Variants in FRYL observed in about 807,000 individuals in gnomAD.
FRYL encodes the protein protein furry homolog-like.
In FRYL, 150 loss-of-function variants were observed where a neutral mutation model predicts 351.2. The ratio of observed to expected loss-of-function variants is 0.43; its 90% CI spans 0.37 to 0.49. The LOEUF (loss-of-function observed/expected upper bound fraction) is 0.49. FRYL is among the 20% of genes least tolerant of loss of function. FRYL has a pLI of 0.00. For synonymous variants in FRYL, 1,153 were observed against 1,257.1 expected (o/e 0.92, Z 1.75); for missense variants, 3,036 against 3,619.3 (o/e 0.84, Z 4.13).
Position 48,573,207 on chromosome 4 carries a change from T to C in FRYL, c.2883A>G (p.Glu961=), listed in dbSNP as rs1196657076. Residue 961 remains glutamate, a synonymous_variant, in exon 26 of 64, where the codon GAA becomes GAG. Transcript: ENST00000358350. ...TCACCTCTGGCCTTCTTTCGAGTGC[T>C]TCTTTAATTATGGGATGTAATTCCT... ...LIEELHPIIK[E]ALERRPENMK... is the part of the protein sequence containing the mutation. The C allele has an allele frequency of 6.2e-7, 1 of 1,612,766 alleles. No homozygotes were observed. The highest frequency in any genetic ancestry group is 1.7e-5 in the Admixed American group (1 of 60,008).
intron 3 of FRYL, among the ~76,000 whole-genome samples, chr4:48,634,827 A>G (rs982971159): frequency 1.1e-4 from 17 of 152,184 alleles, no homozygotes; most frequent in Non-Finnish European, 2.9e-5. Context: ...TTGCTGAATG[A>G]ATGAATGGAT....
At chr4:48,571,977 CA>C (rs1738427022) in intron 26 of FRYL, 2 of 985,170 alleles carry the variant, frequency 2.0e-6, no homozygotes, top group Admixed American at 6.2e-5. Flanking sequence ...GCACTGTAAC[CA>C]AACTGATCAT....
chr4:48,777,448 T>C (rs1776138360), intron 1 of FRYL, among the ~76,000 whole-genome samples: 2 of 152,210 alleles, frequency 1.3e-5, no homozygotes, highest in South Asian at 2.1e-4. Flanking sequence ...AAGACATTTA[T>C]TGGGTACTAA....
chr4:48,772,557 G>A (rs1202918343), intron 1 of FRYL, among the ~76,000 whole-genome samples: 1 of 151,592 alleles, frequency 6.6e-6, no homozygotes, highest in African/African-American at 2.4e-5. Flanking sequence ...TATTATAGAT[G>A]GCATAACCCA....
At chr4:48,628,485 T>TA (rs375047794) in intron 4 of FRYL, among the ~76,000 whole-genome samples, 1,730 of 147,202 alleles carry the variant, frequency 0.012, 37 homozygotes, top group African/African-American at 0.041. Context: ...TTCATATAAG[T>TA]AAAAAAAATA....
rs145768546 is a variant in FRYL, at chr4:48,568,138, G to A, written c.2997-718C>T. Among the ~76,000 whole-genome samples the A allele has an allele frequency of 2.4e-3, 371 of 152,272 alleles. 1 individual carries two copies. Among genetic ancestry groups the A allele is most frequent in the African/African-American group, 8.5e-3 (353 of 41,566 alleles). On this transcript the variant is annotated intron_variant, in intron 27 of 63. Coordinates refer to ENST00000358350, the MANE Select transcript of FRYL (RefSeq NM_015030.2). The stretch of plus-strand genomic sequence containing the variant: ...AAATTTGCCGGGCATGGTGGTGCAC[G>A]CCTGTAGTCCCAGCTACTCGGGAGG...
At chr4:48,753,334 G>T (rs1773441004) in intron 1 of FRYL, among the ~76,000 whole-genome samples, 2 of 151,980 alleles carry the variant, frequency 1.3e-5, no homozygotes, top group Non-Finnish European at 2.9e-5. Context: ...ACTGAGAGAA[G>T]TTAGGGGGGA....
In FRYL at chr4:48,716,635, A is replaced by T. The variant is rs532355400; in HGVS notation, c.-383-5937T>A. On this transcript the variant is annotated intron_variant, in intron 1 of 63. Coordinates refer to ENST00000358350, the MANE Select transcript of FRYL (RefSeq NM_015030.2). ...AGTCAGGAAACAACAGGTGCTGGAG[A>T]GGATGTGGAGAAATCGGAACACTTT... 1.4e-3 allele frequency among the ~76,000 whole-genome samples: 217 copies of T among 151,692 alleles called. 6 individuals are homozygous for T. Among genetic ancestry groups the T allele is most frequent in the African/African-American group, 4.6e-3 (191 of 41,422 alleles).
intron 7 of FRYL, among the ~76,000 whole-genome samples, chr4:48,613,767 C>T (rs1484284600): frequency 1.3e-5 from 2 of 152,018 alleles, no homozygotes; most frequent in African/African-American, 4.8e-5. Flanking sequence ...ACCAGCCTGG[C>T]CAACATGGTG....
intron 1 of FRYL, among the ~76,000 whole-genome samples, chr4:48,710,996 A>C (rs866898242): frequency 6.6e-6 from 1 of 152,250 alleles, no homozygotes; most frequent in South Asian, 2.1e-4. Context: ...CCACAATGGA[A>C]TATTACCTTG....
intron 2 of FRYL, among the ~76,000 whole-genome samples, chr4:48,696,487 T>G (rs1766175191): frequency 6.6e-6 from 1 of 151,736 alleles, no homozygotes; most frequent in South Asian, 2.1e-4. Flanking sequence ...CGAGAACACG[T>G]GGACACTGGA....
At chr4:48,712,516 G>T (rs1451825517) in intron 1 of FRYL, among the ~76,000 whole-genome samples, 1 of 152,150 alleles carries the variant, frequency 6.6e-6, no homozygotes, top group Non-Finnish European at 1.5e-5. Context: ...GAAGTTTAGA[G>T]AAAAAAGAAT....
intron 1 of FRYL, among the ~76,000 whole-genome samples, chr4:48,731,828 A>T (rs1770762462): frequency 6.6e-6 from 1 of 152,234 alleles, no homozygotes; most frequent in Non-Finnish European, 1.5e-5. Flanking sequence ...GACCATAAAA[A>T]TCCTAGAAGA....
intron 2 of FRYL, among the ~76,000 whole-genome samples, chr4:48,687,107 C>T (rs1765215633): frequency 6.6e-6 from 1 of 152,028 alleles, no homozygotes; most frequent in Non-Finnish European, 1.5e-5. Flanking sequence ...ATATGGATTA[C>T]TTAACATGGG....
chr4:48,718,069 T>G (rs1769063501), intron 1 of FRYL, among the ~76,000 whole-genome samples: 1 of 151,650 alleles, frequency 6.6e-6, no homozygotes, highest in Non-Finnish European at 1.5e-5. Context: ...AGTTCTGAGC[T>G]TCAATTTCCT....
At chr4:48,762,917 T>C (rs553595653) in intron 1 of FRYL, among the ~76,000 whole-genome samples, 1 of 152,182 alleles carries the variant, frequency 6.6e-6, no homozygotes, top group South Asian at 2.1e-4. Context: ...TCTGGCTATG[T>C]GACTTCTGGC....
chr4:48,513,499 C>CA (rs531207257), intron 56 of FRYL, among the ~76,000 whole-genome samples: 12 of 151,622 alleles, frequency 7.9e-5, no homozygotes, highest in Admixed American at 2.6e-4. Flanking sequence ...AACTCTCAGC[C>CA]AAAAAAAGGA....
chr4:48,629,293 C>T (rs959940499), intron 4 of FRYL, among the ~76,000 whole-genome samples: 7 of 152,018 alleles, frequency 4.6e-5, no homozygotes, highest in Admixed American at 1.3e-4. Context: ...GTATAGCCAA[C>T]CTTCTATCCT....
At chr4:48,566,116 AT>A (rs1297618999) in intron 28 of FRYL, among the ~76,000 whole-genome samples, 11 of 147,454 alleles carry the variant, frequency 7.5e-5, no homozygotes, top group Admixed American at 4.0e-4. Flanking sequence ...CAAACTTTCT[AT>A]TTTTTTTTTT....
Sources: gnomAD v4.1 joint callset for allele counts (sites outside exome capture counted in the v4.1 genomes callset) on GRCh38, gnomAD v4.1.1 for gene constraint, MANE v1.5 for transcripts, NCBI Gene and HGNC (gene_info 2026-07-23, HGNC 2026-07-21) for gene names.